Variants in EPYC observed in about 807,000 individuals in gnomAD.
The protein encoded by EPYC is dermatan sulfate proteoglycan 3.
Under a neutral mutation model 30.1 loss-of-function variants are expected in EPYC, and 28 were observed. That is an observed-to-expected ratio of 0.93 (90% CI 0.69 to 1.28). The LOEUF is 1.28. EPYC is among the 50% of genes most tolerant of loss of function. The pLI is 0.00. For synonymous variants in EPYC, 144 were observed against 141.4 expected (o/e 1.02, Z -0.13); for missense variants, 382 against 383.5 (o/e 1.00, Z 0.03).
At chr12:90,973,565 G>A (rs1238096068) in intron 3 of EPYC, among the ~76,000 whole-genome samples, 1 of 152,142 alleles carries the variant, frequency 6.6e-6, no homozygotes, top group Non-Finnish European at 1.5e-5. Flanking sequence ...TAACATAGGG[G>A]GATTTGACCT....
chr12:91,000,383 A>G (rs1468922018), intron 2 of EPYC, among the ~76,000 whole-genome samples: 1 of 151,654 alleles, frequency 6.6e-6, no homozygotes, highest in Non-Finnish European at 1.5e-5. Flanking sequence ...TACTAAGATA[A>G]TATTGTATAT....
chr12:90,991,757 AG>A (rs1877589865), intron 2 of EPYC, among the ~76,000 whole-genome samples: 1 of 152,180 alleles, frequency 6.6e-6, no homozygotes, highest in Non-Finnish European at 1.5e-5. Context: ...TCAGTAGTCC[AG>A]GGTATGGCTT....
intron 2 of EPYC, among the ~76,000 whole-genome samples, chr12:90,980,017 G>A (rs1877287687): frequency 6.6e-6 from 1 of 152,184 alleles, no homozygotes; most frequent in African/African-American, 2.4e-5. Context: ...CAGCTGAGAA[G>A]TTTGGGCACA....
At chr12:90,990,860 C>T (rs1877567626) in intron 2 of EPYC, among the ~76,000 whole-genome samples, 1 of 152,096 alleles carries the variant, frequency 6.6e-6, no homozygotes, top group Admixed American at 6.5e-5. Flanking sequence ...GACAACATTA[C>T]CCTCTGGGAT....
At chr12:90,981,354 A>G (rs1877320378) in intron 2 of EPYC, among the ~76,000 whole-genome samples, 1 of 152,152 alleles carries the variant, frequency 6.6e-6, no homozygotes, top group African/African-American at 2.4e-5. Context: ...CTGGAGAAAT[A>G]AAGACTCTCT....
At chr12:90,972,711 A>G (rs925115918) in intron 4 of EPYC, 111 bp downstream of exon 4, 1 of 971,498 alleles carries the variant, frequency 1.0e-6, no homozygotes, top group South Asian at 2.4e-5. Context: ...CTATTGATTC[A>G]TGAACCAGGC....
chr12:90,991,729 C>G (rs932175205), intron 2 of EPYC, among the ~76,000 whole-genome samples: 2 of 152,104 alleles, frequency 1.3e-5, no homozygotes, highest in Non-Finnish European at 2.9e-5. Flanking sequence ...TGGGTCTCAT[C>G]CACAAATCAT....
chr12:90,995,458 A>C (rs1877674912), intron 2 of EPYC, among the ~76,000 whole-genome samples: 1 of 152,044 alleles, frequency 6.6e-6, no homozygotes, highest in Admixed American at 6.6e-5. Flanking sequence ...AAAACAGAAG[A>C]AGCAGAAAAA....
At chr12:90,968,248 A>G (rs1291318198) in intron 6 of EPYC, among the ~76,000 whole-genome samples, 1 of 152,182 alleles carries the variant, frequency 6.6e-6, no homozygotes, top group Non-Finnish European at 1.5e-5. Context: ...AATAACTGTG[A>G]CTTACATTTA....
At chr12:90,982,307 T>G (rs1280747342) in intron 2 of EPYC, among the ~76,000 whole-genome samples, 16 of 152,138 alleles carry the variant, frequency 1.1e-4, no homozygotes, top group Admixed American at 1.0e-3. Context: ...GTAATTCATA[T>G]ATTATACAGT....
chr12:91,004,685 T>G (rs2120883519), intron 1 of EPYC, among the ~76,000 whole-genome samples: 1 of 152,186 alleles, frequency 6.6e-6, no homozygotes, highest in South Asian at 2.1e-4. Flanking sequence ...TTAAGGCATA[T>G]ATTGGAAACT....
intron 5 of EPYC, among the ~76,000 whole-genome samples, chr12:90,970,951 T>C (rs902684436): frequency 2.6e-5 from 4 of 152,252 alleles, no homozygotes; most frequent in Non-Finnish European, 5.9e-5. Flanking sequence ...AGTTGGTTAC[T>C]GTTCTCAGAC....
Position 90,972,940 on chromosome 12 carries a change from G to A in EPYC, c.381C>T (p.Thr127=), listed in dbSNP as rs754118538. ...TCLLCTCIST[T]VYCDDHELDA... ...CAAGTTCATGGTCATCACAGTACAC[G>A]GTGGTACTTATACAAGTACACAAAA... The change falls in exon 4 of 7, where the codon ACC becomes ACT. Residue 127 remains threonine, a synonymous_variant. Coordinates refer to ENST00000261172, the MANE Select transcript of EPYC (RefSeq NM_004950.5). The A allele has an allele frequency of 6.8e-6, 11 of 1,610,238 alleles. No individual in the cohort carries two copies. The highest frequency in any genetic ancestry group is 2.2e-5 in the South Asian group (2 of 90,734).
intron 1 of EPYC, among the ~76,000 whole-genome samples, chr12:91,002,842 G>T (rs2120879957): frequency 7.9e-6 from 1 of 127,346 alleles, no homozygotes; most frequent in Middle Eastern, 3.8e-3. Context: ...ATTTTATAGA[G>T]AAAAACAGAG....
At chr12:91,004,845 A>T (rs1367875505) in intron 1 of EPYC, 102 bp downstream of exon 1, 1 of 152,136 alleles carries the variant, frequency 6.6e-6, no homozygotes, top group African/African-American at 2.4e-5. Context: ...CATTGAATCA[A>T]AATTCACCAG....
At chr12:90,990,153 G>A (rs1016119035) in intron 2 of EPYC, among the ~76,000 whole-genome samples, 2 of 151,946 alleles carry the variant, frequency 1.3e-5, no homozygotes, top group African/African-American at 4.8e-5. Flanking sequence ...CAAAACTCTA[G>A]CTCTTTATTT....
Position 90,978,132 on chromosome 12 carries a change from T to C in EPYC, c.296A>G (p.Gln99Arg). The C allele has an allele frequency of 6.2e-7, 1 of 1,600,628 alleles. No homozygotes were observed. Among genetic ancestry groups the C allele is most frequent in the Non-Finnish European group, 8.5e-7 (1 of 1,175,110 alleles). Residue 99 changes from glutamine to arginine, a missense_variant, in exon 3 of 7, where the codon CAG (glutamine) becomes CGG (arginine). Coordinates refer to ENST00000261172, the MANE Select transcript of EPYC (RefSeq NM_004950.5). ...CAGAACCCCTGTGAATTCAGGCTCC[T>C]GGGGAGAAGAGCCATCAATCAGCCT... ...TPRLIDGSSP[Q>R]EPEFTGVLGP...
chr12:90,973,899 G>A (rs73371220), intron 3 of EPYC, among the ~76,000 whole-genome samples: 77 of 152,158 alleles, frequency 5.1e-4, no homozygotes, highest in African/African-American at 1.8e-3. Context: ...GACTGAAGCA[G>A]GGCAACTGGA....
At chr12:90,993,148 G>C (rs376555350) in intron 2 of EPYC, among the ~76,000 whole-genome samples, 15 of 152,238 alleles carry the variant, frequency 9.9e-5, no homozygotes, top group African/African-American at 2.9e-4. Flanking sequence ...ATTGATGATT[G>C]AGAGAAGGAA....
Sources: gnomAD v4.1 joint callset for allele counts (sites outside exome capture counted in the v4.1 genomes callset) on GRCh38, gnomAD v4.1.1 for gene constraint, MANE v1.5 for transcripts, NCBI Gene and HGNC (gene_info 2026-07-23, HGNC 2026-07-21) for gene names.